CAPN8: variants seen among roughly 807,000 people sequenced by gnomAD.
CAPN8 encodes the protein calpain-8.
A neutral mutation model predicts 80.9 loss-of-function variants in CAPN8; 87 were observed. That is an observed-to-expected ratio of 1.07 (90% confidence interval 0.90 to 1.28). The LOEUF (loss-of-function observed/expected upper bound fraction) is 1.28, where lower values mean the gene tolerates loss of function less well. Among genes scored for constraint, CAPN8 ranks in the 50% most tolerant of loss-of-function variants. The pLI, the probability that CAPN8 is intolerant of heterozygous loss-of-function variation, is 0.00. For synonymous variants in CAPN8, 299 were observed against 273.8 expected, an observed-to-expected ratio of 1.09 and a Z score of -0.91; for missense variants, 757 against 702.0, an observed-to-expected ratio of 1.08 and a Z score of -0.89.
intron 6 of CAPN8, 99 bp downstream of exon 6, chr1:223,625,706 A>G (rs1243756561): frequency 6.4e-6 from 7 of 1,088,384 alleles, no homozygotes; most frequent in Admixed American, 2.0e-5. Context: ...CCAATTCCGA[A>G]CCTTCTAGTA....
chr1:223,641,879 A>G (rs1342234081), intron 2 of CAPN8, among the ~76,000 whole-genome samples: 1 of 152,206 alleles, frequency 6.6e-6, no homozygotes, highest in Non-Finnish European at 1.5e-5. Flanking sequence ...AGGCTGTGAA[A>G]GTTCTTCCTG....
chr1:223,619,295 G>C lies in CAPN8; in HGVS notation c.1133C>G (p.Pro378Arg). 1.9e-6 allele frequency: 3 copies of C among 1,551,664 alleles called. No individual in the cohort carries two copies. Among genetic ancestry groups the C allele is most frequent in the Non-Finnish European group, 2.6e-6 (3 of 1,146,998 alleles). ...GSTAGGCQNY[P>R]ATYWTNPQFK... ...GCCAAGGCAGCCCTTCACCTTACCT[G>C]GGTAGTTCTGGCAGCCCCCAGCTGT... The change falls in exon 9 of 21, where the codon CCA becomes CGA. Residue 378 changes from proline to arginine, a missense_variant and splice_region_variant. Coordinates refer to ENST00000366872, the MANE Select transcript of CAPN8 (RefSeq NM_001143962.2).
At chr1:223,619,129 G>T (rs1657297469) in intron 9 of CAPN8, among the ~76,000 whole-genome samples, 164 bp downstream of exon 9, 3 of 152,182 alleles carry the variant, frequency 2.0e-5, no homozygotes, top group Admixed American at 2.0e-4. Context: ...GGGAGGCGGA[G>T]GTTGTGATGA....
At chr1:223,557,918 C>A (rs1404518243) in intron 13 of CAPN8, among the ~76,000 whole-genome samples, 3 of 152,176 alleles carry the variant, frequency 2.0e-5, no homozygotes, top group Non-Finnish European at 4.4e-5. Flanking sequence ...CTAAGACCTC[C>A]CCCAGGGGGT....
intron 2 of CAPN8, among the ~76,000 whole-genome samples, chr1:223,643,551 G>A (rs922511280): frequency 6.6e-6 from 1 of 152,232 alleles, no homozygotes; most frequent in Non-Finnish European, 1.5e-5. Context: ...GCAAAAATAT[G>A]TGAAAAGAGA....
rs954950879 is a variant in CAPN8, at chr1:223,558,117, A to C, written c.1572+14T>G. Reference sequence around the variant, plus strand: ...CAACAGTGTCAGAGTTTGGCATACAAAAAGATTGCATACCTCATATGGGTT... The same window carrying C: ...CAACAGTGTCAGAGTTTGGCATACACAAAGATTGCATACCTCATATGGGTT... On this transcript the variant is annotated intron_variant, in intron 13 of 20. Coordinates refer to ENST00000366872, the MANE Select transcript of CAPN8 (RefSeq NM_001143962.2). The C allele has an allele frequency of 2.5e-6, 1 of 398,648 alleles. No individual in the cohort carries two copies. The highest frequency in any genetic ancestry group is 4.4e-6 in the Non-Finnish European group (1 of 226,060). 24.7% of individuals were successfully genotyped at this position (398,648 alleles called of 1,614,324 possible). A position where few individuals can be genotyped will look rare whatever the true frequency, so the allele number is the denominator to read the frequency against.
At chr1:223,542,715 C>G (rs1656501622) in intron 20 of CAPN8, among the ~76,000 whole-genome samples, 1 of 152,100 alleles carries the variant, frequency 6.6e-6, no homozygotes, top group Admixed American at 6.5e-5. Flanking sequence ...AACACTTGTT[C>G]ATTTTGCATC....
At chr1:223,632,411 G>A (rs1657798868) in intron 2 of CAPN8, among the ~76,000 whole-genome samples, 2 of 151,158 alleles carry the variant, frequency 1.3e-5, no homozygotes, top group African/African-American at 4.9e-5. Flanking sequence ...GTCTCGCTCT[G>A]TTGCCCAGAT....
chr1:223,555,475 G>C (rs896440818), intron 13 of CAPN8, among the ~76,000 whole-genome samples: 3 of 152,142 alleles, frequency 2.0e-5, no homozygotes, highest in Non-Finnish European at 2.9e-5. Flanking sequence ...AATACATCTA[G>C]ATTTTTAGAA....
chr1:223,542,139 T>C (rs935483940), intron 20 of CAPN8, among the ~76,000 whole-genome samples: 1 of 152,108 alleles, frequency 6.6e-6, no homozygotes, highest in Non-Finnish European at 1.5e-5. Context: ...CATACATATA[T>C]ACACAATAGT....
At chr1:223,616,521 G>A (rs897424321) in intron 9 of CAPN8, among the ~76,000 whole-genome samples, 9 of 152,226 alleles carry the variant, frequency 5.9e-5, no homozygotes, top group Non-Finnish European at 1.0e-4. Flanking sequence ...CACTTGACAT[G>A]TGAAGGCAAA....
At chr1:223,544,667 A>G in intron 18 of CAPN8, 105 bp downstream of exon 18, 1 of 1,489,648 alleles carries the variant, frequency 6.7e-7, no homozygotes, top group Non-Finnish European at 9.0e-7. Context: ...TATCCCATAT[A>G]AGAAAGCTAC....
At chr1:223,645,068 C>T (rs796153172) in intron 2 of CAPN8, among the ~76,000 whole-genome samples, 3 of 152,286 alleles carry the variant, frequency 2.0e-5, no homozygotes, top group African/African-American at 7.2e-5. Flanking sequence ...AAGCCAACAG[C>T]GCAGCCTTCA....
intron 12 of CAPN8, 53 bp downstream of exon 12, chr1:223,609,100 C>T: frequency 2.5e-6 from 1 of 397,816 alleles, no homozygotes; most frequent in South Asian, 1.3e-4. Flanking sequence ...GGGCCATTTC[C>T]CTTCGTGGGC....
intron 2 of CAPN8, among the ~76,000 whole-genome samples, chr1:223,649,165 T>C (rs1309326720): frequency 6.6e-6 from 1 of 152,256 alleles, no homozygotes; most frequent in African/African-American, 2.4e-5. Context: ...TCTACTTTTA[T>C]ACAGTAGCAT....
intron 1 of CAPN8, among the ~76,000 whole-genome samples, chr1:223,655,629 A>G (rs1404142304): frequency 6.6e-6 from 1 of 152,252 alleles, no homozygotes; most frequent in Non-Finnish European, 1.5e-5. Context: ...GCATAATAAT[A>G]GAATGTAGGC....
chr1:223,619,339 G>T lies in CAPN8; in HGVS notation c.1089C>A (p.Gly363=). ...VHKWNLVLFN[G]HWTRGSTAGG... ...CAGCTGTGGAGCCCCGGGTCCAGTG[G>T]CCGTTGAACAGGACCAGGTTCCATT... Residue 363 remains glycine, a synonymous_variant, in exon 9 of 21, where the codon GGC becomes GGA. Coordinates refer to ENST00000366872, the MANE Select transcript of CAPN8 (RefSeq NM_001143962.2). The T allele has an allele frequency of 6.4e-7, 1 of 1,551,740 alleles. No individual in the cohort carries two copies. The highest frequency in any genetic ancestry group is 8.7e-7 in the Non-Finnish European group (1 of 1,147,014).
intron 2 of CAPN8, among the ~76,000 whole-genome samples, chr1:223,653,233 G>A (rs1180194460): frequency 1.3e-5 from 2 of 151,010 alleles, no homozygotes; most frequent in Admixed American, 1.3e-4. Flanking sequence ...CGGGGCACGC[G>A]CTTGGGTGCG....
At chr1:223,632,634 T>G (rs1657805294) in intron 2 of CAPN8, among the ~76,000 whole-genome samples, 1 of 152,138 alleles carries the variant, frequency 6.6e-6, no homozygotes. Context: ...CCTCTCTAAG[T>G]GCTGGGATTA....
Sources: allele counts gnomAD v4.1 joint callset (sites outside exome capture counted in the v4.1 genomes callset), GRCh38; gene constraint gnomAD v4.1.1; transcripts MANE v1.5; gene names NCBI Gene and HGNC (gene_info 2026-07-23, HGNC 2026-07-21).